The following ADAM29 variants were observed in gnomAD, a reference collection of about 807,000 sequenced individuals.
ADAM29 encodes the protein ADAM metallopeptidase domain 29, also known as disintegrin and metalloproteinase domain-containing protein 29.
For missense variants in ADAM29, 969 were observed against 1,001.8 expected (o/e 0.97, Z 0.44); for synonymous variants, 367 against 342.3 (o/e 1.07, Z -0.80).
intron 4 of ADAM29, among the ~76,000 whole-genome samples, chr4:174,946,751 C>T (rs1744870651): frequency 6.6e-6 from 1 of 152,098 alleles, no homozygotes; most frequent in African/African-American, 2.4e-5. Context: ...CAGGAAGATG[C>T]TGGCCTCATA....
chr4:174,971,121 T>C (rs1746455005), intron 4 of ADAM29, among the ~76,000 whole-genome samples: 1 of 152,186 alleles, frequency 6.6e-6, no homozygotes, highest in Admixed American at 6.5e-5. Flanking sequence ...TATACTAGAA[T>C]TAAAAGTCAT....
At chr4:174,955,866 A>G (rs1745470208) in intron 4 of ADAM29, among the ~76,000 whole-genome samples, 1 of 152,078 alleles carries the variant, frequency 6.6e-6, no homozygotes, top group Admixed American at 6.6e-5. Context: ...TGTTTATTCT[A>G]CCATAATCTT....
Position 174,977,004 on chromosome 4 carries a change from C to T in ADAM29, c.1479C>T (p.Cys493=). The T allele has an allele frequency of 6.2e-7, 1 of 1,614,134 alleles. No homozygotes were observed. Among genetic ancestry groups the T allele is most frequent in the Non-Finnish European group, 8.5e-7 (1 of 1,180,034 alleles). Residue 493 remains cysteine (C), a synonymous_variant, in exon 5 of 5, where the codon TGC becomes TGT. Transcript: ENST00000359240. The part of the protein sequence containing the change: ...DGIPCKERGY[C]YEKSCHDRNE... ...TTCCCTGTAAGGAGAGGGGCTACTG[C>T]TATGAAAAGAGCTGTCATGACCGCA...
intron 4 of ADAM29, among the ~76,000 whole-genome samples, chr4:174,965,731 G>C (rs1746121139): frequency 6.6e-6 from 1 of 151,596 alleles, no homozygotes; most frequent in African/African-American, 2.4e-5. Context: ...TATTTCAGAG[G>C]AGGAGAGACG....
chr4:174,961,372 C>T (rs1745811097), intron 4 of ADAM29, among the ~76,000 whole-genome samples: 1 of 151,312 alleles, frequency 6.6e-6, no homozygotes. Flanking sequence ...TTATATTTCA[C>T]CTTTAGACAG....
intron 4 of ADAM29, among the ~76,000 whole-genome samples, chr4:174,947,043 A>G (rs10084774): frequency 0.014 from 2,131 of 151,978 alleles, 51 homozygotes; most frequent in African/African-American, 0.049. Flanking sequence ...AGATGTTTTT[A>G]ATAGTCTCTG....
At chr4:174,955,781 AC>A (rs1254855612) in intron 4 of ADAM29, among the ~76,000 whole-genome samples, 2 of 152,072 alleles carry the variant, frequency 1.3e-5, no homozygotes, top group African/African-American at 4.8e-5. Context: ...GCCTTTACTA[AC>A]CCTTTATTTT....
intron 2 of ADAM29, among the ~76,000 whole-genome samples, chr4:174,923,525 G>GTGTATATATA (rs1447408794): frequency 1.5e-3 from 148 of 96,584 alleles, no homozygotes; most frequent in East Asian, 2.5e-3. Context: ...TGCATTATAT[G>GTGTATATATA]TATATATATA....
intron 4 of ADAM29, among the ~76,000 whole-genome samples, chr4:174,950,522 CCTAA>C (rs1162926417): frequency 2.0e-5 from 3 of 152,278 alleles, no homozygotes; most frequent in East Asian, 3.9e-4. Context: ...TTTCCATTCT[CCTAA>C]CTATTGCTAT....
chr4:174,956,817 C>T (rs1745533669), intron 4 of ADAM29, among the ~76,000 whole-genome samples: 1 of 151,778 alleles, frequency 6.6e-6, no homozygotes, highest in South Asian at 2.1e-4. Context: ...ACTATGCACT[C>T]TCCATAAATA....
chr4:174,977,946 GTT>G lies in ADAM29; in HGVS notation c.2422_2423del (p.Leu808AspfsTer51). 1.9e-6 allele frequency: 3 copies of G among 1,576,766 alleles called. No individual in the cohort carries two copies. The highest frequency in any genetic ancestry group is 4.7e-5 in the East Asian group (2 of 42,768). On this transcript the variant is annotated frameshift_variant, in exon 5 of 5. Coordinates refer to ENST00000359240, the MANE Select transcript of ADAM29 (RefSeq NM_014269.4). LOFTEE classifies it high-confidence loss of function. Reference protein sequence around the residue: ...PVTPSQRQPQLMPSQSQPPVT... With the variant: ...PVTPSQRQPQXMPSQSQPPVT... ...TGACACCCTCCCAGAGGCAACCTCA[GTT>G]GATGCCTTCCCAGAGTCAACCTCCT...
At chr4:174,924,945 C>A (rs2110903584) in intron 2 of ADAM29, among the ~76,000 whole-genome samples, 1 of 152,316 alleles carries the variant, frequency 6.6e-6, no homozygotes, top group South Asian at 2.1e-4. Flanking sequence ...CCAACATTAA[C>A]TGTGACAAGG....
Position 174,978,075 on chromosome 4 carries a change from A to C in ADAM29, c.*87A>C. 1.3e-6 allele frequency: 2 copies of C among 1,565,712 alleles called. No homozygotes were observed. The highest frequency in any genetic ancestry group is 1.7e-6 in the Non-Finnish European group (2 of 1,150,178). Reference sequence around the variant, plus strand: ...CTCGGGTGACACCCTCCCAGAGTCAACCTCATGTGACACCTTACCGGAGTA... The same window carrying C: ...CTCGGGTGACACCCTCCCAGAGTCACCCTCATGTGACACCTTACCGGAGTA... On this transcript the variant is annotated 3_prime_UTR_variant, in exon 5 of 5. Transcript: ENST00000359240.
chr4:174,933,939 G>A (rs1354088972), intron 3 of ADAM29, among the ~76,000 whole-genome samples: 1 of 152,140 alleles, frequency 6.6e-6, no homozygotes, highest in African/African-American at 2.4e-5. Flanking sequence ...ATGAACATAG[G>A]TGTTCTTGTG....
chr4:174,932,025 A>G (rs887280534), intron 3 of ADAM29, among the ~76,000 whole-genome samples: 1 of 152,226 alleles, frequency 6.6e-6, no homozygotes, highest in Non-Finnish European at 1.5e-5. Flanking sequence ...AAGGTGGCTA[A>G]CACCTGTAAT....
In ADAM29 at chr4:174,975,754, C is replaced by A; in HGVS notation, c.229C>A (p.His77Asn). 6.2e-7 allele frequency: 1 copy of A among 1,613,376 alleles called. No homozygotes were observed. Among genetic ancestry groups the A allele is most frequent in the Non-Finnish European group, 8.5e-7 (1 of 1,179,754 alleles). ...IKVKKLLFSK[H>N]LPVFTYTDQG... ...GGTCAAGAAGCTTTTGTTTTCCAAA[C>A]ACCTCCCTGTGTTCACCTACACAGA... Residue 77 changes from histidine to asparagine, a missense_variant, in exon 5 of 5, where the codon CAC becomes AAC. Transcript: ENST00000359240.
At chr4:174,968,123 C>T (rs575355222) in intron 4 of ADAM29, among the ~76,000 whole-genome samples, 92 of 152,174 alleles carry the variant, frequency 6.0e-4, no homozygotes, top group African/African-American at 1.7e-3. Flanking sequence ...TTAAATACTT[C>T]GTCATGAACA....
In ADAM29 at chr4:174,975,471, C is replaced by A; in HGVS notation, c.-55C>A. The A allele has an allele frequency of 6.8e-7, 1 of 1,479,754 alleles. No individual in the cohort carries two copies. 91.7% of individuals were successfully genotyped at this position (1,479,754 alleles called of 1,614,324 possible). ...TCCAGCCCTGACTTCTGCTCTGGAC[C>A]AGTGTTTCCATAACAGGGACTTCAA... On this transcript the variant is annotated 5_prime_UTR_variant, in exon 5 of 5. Transcript: ENST00000359240.
At chr4:174,972,198 T>G (rs1277754977) in intron 4 of ADAM29, among the ~76,000 whole-genome samples, 1 of 152,216 alleles carries the variant, frequency 6.6e-6, no homozygotes, top group African/African-American at 2.4e-5. Flanking sequence ...TGAAGATTTA[T>G]CTCTTCTTTC....
Sources: allele counts gnomAD v4.1 joint callset (sites outside exome capture counted in the v4.1 genomes callset), GRCh38; gene constraint gnomAD v4.1.1; transcripts MANE v1.5; gene names NCBI Gene and HGNC (gene_info 2026-07-23, HGNC 2026-07-21).